Variants in ST14 observed in about 807,000 individuals in gnomAD.
ST14 encodes ST14 transmembrane serine protease matriptase.
A neutral mutation model predicts 96.5 loss-of-function variants in ST14; 40 were observed. That is an observed-to-expected ratio of 0.41 (90% CI 0.32 to 0.54). The LOEUF is 0.54. Among genes scored for constraint, ST14 ranks in the 20% least tolerant of loss-of-function variants. ST14 has a pLI of 0.17. For missense variants in ST14, 1,066 were observed against 1,188.9 expected (o/e 0.90, Z 1.52); for synonymous variants, 506 against 492.1 (o/e 1.03, Z -0.37).
chr11:130,188,019 A>G lies in ST14; in HGVS notation c.82-95A>G. The G allele has an allele frequency of 6.5e-7, 1 of 1,536,428 alleles. No individual in the cohort carries two copies. On this transcript the variant is annotated intron_variant, in intron 1 of 18. Coordinates refer to ENST00000278742, the MANE Select transcript of ST14 (RefSeq NM_021978.4). This position sits in a 1 kb window ranked among gnomAD's most constrained non-coding sequence, Gnocchi z 5.4. Reference sequence around the variant, plus strand: ...CACCCAAGCCCCTGCTTTCTTCTCCAAGCTGGACCTCACAAAATGTGAACA... The same window carrying G: ...CACCCAAGCCCCTGCTTTCTTCTCCGAGCTGGACCTCACAAAATGTGAACA...
rs116759881 is a variant in ST14, at chr11:130,189,820, C to G, written c.522C>G (p.Ala174=). 2.5e-6 allele frequency: 4 copies of G among 1,613,900 alleles called. No homozygotes were observed. The African/African-American group carries it at 4.0e-5, about 16-fold the overall frequency. The change falls in exon 5 of 19, where the codon GCC becomes GCG. Residue 174 remains alanine, a synonymous_variant. Transcript: ENST00000278742. ...HLVEEAERVM[A]EERVVMLPPR... ...TGGAGGAGGCCGAGCGCGTCATGGCCGAGGAGCGCGTAGTCATGCTGCCCC... is the reference window on the plus strand; with the variant it reads ...TGGAGGAGGCCGAGCGCGTCATGGCGGAGGAGCGCGTAGTCATGCTGCCCC...
intron 1 of ST14, among the ~76,000 whole-genome samples, chr11:130,175,581 A>G (rs927697511): frequency 2.7e-5 from 4 of 150,584 alleles, no homozygotes; most frequent in East Asian, 2.0e-4. Flanking sequence ...GGGTTTCTCC[A>G]TGTTGGTCAG....
Position 130,189,820 on chromosome 11 carries a change from C to A in ST14, c.522C>A (p.Ala174=), listed in dbSNP as rs116759881. Residue 174 remains alanine (A), a synonymous_variant, in exon 5 of 19, where the codon GCC becomes GCA. Coordinates refer to ENST00000278742, the MANE Select transcript of ST14 (RefSeq NM_021978.4). ...TGGAGGAGGCCGAGCGCGTCATGGCCGAGGAGCGCGTAGTCATGCTGCCCC... is the reference window on the plus strand; with the variant it reads ...TGGAGGAGGCCGAGCGCGTCATGGCAGAGGAGCGCGTAGTCATGCTGCCCC... The part of the protein sequence containing the change: ...HLVEEAERVM[A]EERVVMLPPR... The A allele has an allele frequency of 6.2e-7, 1 of 1,613,900 alleles. No individual in the cohort carries two copies. The highest frequency in any genetic ancestry group is 1.7e-5 in the Admixed American group (1 of 60,028).
At chr11:130,183,033 C>T (rs375474504) in intron 1 of ST14, among the ~76,000 whole-genome samples, 52 of 151,810 alleles carry the variant, frequency 3.4e-4, no homozygotes, top group Middle Eastern at 3.4e-3. Flanking sequence ...TTTGGCTCAC[C>T]GCAACCTCTG....
intron 1 of ST14, among the ~76,000 whole-genome samples, chr11:130,168,080 C>T (rs534989547): frequency 9.2e-5 from 14 of 152,268 alleles, no homozygotes; most frequent in South Asian, 2.1e-4. Context: ...TTTTGAAAAA[C>T]GATTTTTGAT....
intron 16 of ST14, among the ~76,000 whole-genome samples, chr11:130,208,073 CAATA>C (rs35033213): frequency 4.0e-5 from 6 of 151,690 alleles, no homozygotes; most frequent in Middle Eastern, 3.2e-3. Flanking sequence ...GACTCAGTCT[CAATA>C]AATAAATAAA....
At chr11:130,208,335 G>A in intron 16 of ST14, 75 bp from the exon 17 acceptor site, 1 of 1,604,410 alleles carries the variant, frequency 6.2e-7, no homozygotes, top group Non-Finnish European at 8.5e-7. Flanking sequence ...GAATCCTCTG[G>A]GAACGCGCGG....
chr11:130,188,239 G>A lies in ST14; in HGVS notation c.207G>A (p.Leu69=). The A allele has an allele frequency of 6.2e-7, 1 of 1,614,060 alleles. No individual in the cohort carries two copies. Among genetic ancestry groups the A allele is most frequent in the Non-Finnish European group, 8.5e-7 (1 of 1,179,922 alleles). The part of the protein sequence containing the change: ...AAVLIGLLLV[L]LGIGFLVWHL... ...TGCTGATCGGCCTCCTCTTGGTCTTGCTGGGGATCGGCTTCCTGGTGTGGC... is the reference window on the plus strand; with the variant it reads ...TGCTGATCGGCCTCCTCTTGGTCTTACTGGGGATCGGCTTCCTGGTGTGGC... Residue 69 remains leucine, a synonymous_variant, in exon 2 of 19, where the codon TTG becomes TTA. Coordinates refer to ENST00000278742, the MANE Select transcript of ST14 (RefSeq NM_021978.4). The surrounding 1 kb of genome is among the most constrained non-coding windows in gnomAD (Gnocchi z 5.4).
intron 11 of ST14, 47 bp downstream of exon 11, chr11:130,196,747 A>G: frequency 6.2e-7 from 1 of 1,613,674 alleles, no homozygotes; most frequent in Non-Finnish European, 8.5e-7. Flanking sequence ...CCTGCACCGC[A>G]TGTTCTGTCT....
At chr11:130,175,955 A>T (rs1418225416) in intron 1 of ST14, among the ~76,000 whole-genome samples, 2 of 152,222 alleles carry the variant, frequency 1.3e-5, no homozygotes, top group African/African-American at 4.8e-5. Flanking sequence ...GAGCCACCAC[A>T]TCCAGCCTTG....
intron 16 of ST14, among the ~76,000 whole-genome samples, chr11:130,202,531 G>A (rs1401230101): frequency 6.6e-6 from 1 of 152,216 alleles, no homozygotes; most frequent in Admixed American, 6.5e-5. Context: ...TGTCTGAACT[G>A]AGGGTTGAAG....
chr11:130,194,079 G>C, intron 7 of ST14, 70 bp from the exon 8 acceptor site: 1 of 1,610,238 alleles, frequency 6.2e-7, no homozygotes, highest in East Asian at 2.2e-5. Context: ...CTGCCTGAGA[G>C]CCTGGTTTGG....
intron 4 of ST14, chr11:130,189,347 T>C (rs1429968060): frequency 2.3e-6 from 1 of 436,916 alleles, no homozygotes; most frequent in East Asian, 4.6e-5. Flanking sequence ...GTGCTTTTTA[T>C]TTTGCTAGTT....
chr11:130,198,148 C>T (rs1355021350), intron 12 of ST14, among the ~76,000 whole-genome samples, 160 bp from the exon 13 acceptor site: 4 of 152,076 alleles, frequency 2.6e-5, no homozygotes, highest in African/African-American at 7.2e-5. Flanking sequence ...TGGGGTATCT[C>T]GGAAGTGCTG....
chr11:130,196,419 C>T lies in ST14; in HGVS notation c.1194C>T (p.Pro398=). 1 of 1,610,574 alleles carries T rather than the reference C, an allele frequency of 6.2e-7. No homozygotes were observed. Among genetic ancestry groups the T allele is most frequent in the Non-Finnish European group, 8.5e-7 (1 of 1,178,650 alleles). The change falls in exon 10 of 19, where the codon CCC becomes CCT. Residue 398 remains proline (P), a synonymous_variant. Transcript: ENST00000278742. ...LEPGVPAGTC[P]KDYVEINGEK... ...CCGGCGTGCCTGCGGGCACCTGCCC[C>T]AAGGACTACGTGGAGATCAACGGGG...
chr11:130,208,020 G>C (rs139874501), intron 16 of ST14, among the ~76,000 whole-genome samples: 1 of 152,042 alleles, frequency 6.6e-6, no homozygotes, highest in Middle Eastern at 3.2e-3. Flanking sequence ...GCAGTGAGCC[G>C]AGATCATGCC....
chr11:130,208,262 C>T, intron 16 of ST14, 148 bp from the exon 17 acceptor site: 1 of 1,124,930 alleles, frequency 8.9e-7, no homozygotes, highest in Non-Finnish European at 1.3e-6. Flanking sequence ...AGCTTAGGGT[C>T]AAGACCAAGT....
At chr11:130,208,358 G>A in intron 16 of ST14, 52 bp from the exon 17 acceptor site, 3 of 1,613,050 alleles carry the variant, frequency 1.9e-6, no homozygotes, top group African/African-American at 1.3e-5. Context: ...CCGCGAGGCC[G>A]TGTGCACAGA....
chr11:130,208,254 C>T (rs993505934), intron 16 of ST14, among the ~76,000 whole-genome samples, 156 bp from the exon 17 acceptor site: 1 of 152,228 alleles, frequency 6.6e-6, no homozygotes, highest in Non-Finnish European at 1.5e-5. Flanking sequence ...TAGTTTCTAG[C>T]TTAGGGTCAA....
Sources: allele counts gnomAD v4.1 joint callset (sites outside exome capture counted in the v4.1 genomes callset), GRCh38; gene constraint gnomAD v4.1.1; non-coding constraint Gnocchi (gnomAD v3.1); transcripts MANE v1.5; gene names NCBI Gene and HGNC (gene_info 2026-07-23, HGNC 2026-07-21).